Variants in ABTB3 observed in about 807,000 individuals in gnomAD.
The protein encoded by ABTB3 is ankyrin repeat and BTB domain containing 3, also known as ankyrin repeat- and BTB/POZ domain-containing protein 3.
At chr12:107,510,221 C>T in the ABTB3 span, among the ~76,000 whole-genome samples, 2 of 152,132 alleles carry the variant, frequency 1.3e-5, no homozygotes, top group African/African-American at 4.8e-5. Context: ...AGGACCCCCC[C>T]ACCCTTTACA....
chr12:107,625,220 A>G, the ABTB3 span, among the ~76,000 whole-genome samples: 3 of 152,214 alleles, frequency 2.0e-5, no homozygotes, highest in Non-Finnish European at 2.9e-5. Context: ...TTCTTTATGT[A>G]TAGTAGATAC....
At chr12:107,367,744 A>G in the ABTB3 span, among the ~76,000 whole-genome samples, 7 of 152,128 alleles carry the variant, frequency 4.6e-5, no homozygotes, top group Non-Finnish European at 8.8e-5. Flanking sequence ...AGCTCGGGCA[A>G]TCTGCCTGCC....
chr12:107,388,571 T>C, the ABTB3 span, among the ~76,000 whole-genome samples: 3 of 149,418 alleles, frequency 2.0e-5, no homozygotes, highest in Non-Finnish European at 4.4e-5. Flanking sequence ...CCCCTCCTAC[T>C]CCCACCCTTT....
At chr12:107,523,339 A>G in the ABTB3 span, among the ~76,000 whole-genome samples, 1 of 152,126 alleles carries the variant, frequency 6.6e-6, no homozygotes, top group African/African-American at 2.4e-5. Context: ...GAAGTCACAA[A>G]ATGCCTCCTG....
chr12:107,350,918 G>GGTTGC, the ABTB3 span, among the ~76,000 whole-genome samples: 2 of 152,104 alleles, frequency 1.3e-5, no homozygotes, highest in Admixed American at 1.3e-4. Flanking sequence ...GAGTCCTCTT[G>GGTTGC]GTTGCTTTTA....
the ABTB3 span, among the ~76,000 whole-genome samples, chr12:107,332,863 G>C: frequency 6.6e-6 from 1 of 152,210 alleles, no homozygotes; most frequent in African/African-American, 2.4e-5. Flanking sequence ...GAGCTTCCCA[G>C]AAGCCTGTGC....
chr12:107,556,649 G>A, the ABTB3 span, among the ~76,000 whole-genome samples: 18 of 152,220 alleles, frequency 1.2e-4, no homozygotes, highest in East Asian at 1.7e-3. Context: ...AATGTACATC[G>A]CCCTTCATCT....
the ABTB3 span, among the ~76,000 whole-genome samples, chr12:107,637,620 T>C: frequency 1.3e-5 from 2 of 152,166 alleles, no homozygotes; most frequent in Non-Finnish European, 2.9e-5. Flanking sequence ...CACCAAATAG[T>C]GGTTCTTTAG....
At chr12:107,552,776 C>T in the ABTB3 span, among the ~76,000 whole-genome samples, 1 of 152,132 alleles carries the variant, frequency 6.6e-6, no homozygotes, top group Non-Finnish European at 1.5e-5. Flanking sequence ...TGCTTCCTTC[C>T]CTCTGTGCCA....
the ABTB3 span, among the ~76,000 whole-genome samples, chr12:107,552,316 A>G: frequency 6.6e-6 from 1 of 152,192 alleles, no homozygotes; most frequent in South Asian, 2.1e-4. Flanking sequence ...CATAATCTTC[A>G]TTAGTATTTG....
At chr12:107,515,818 T>C in the ABTB3 span, among the ~76,000 whole-genome samples, 2 of 152,050 alleles carry the variant, frequency 1.3e-5, no homozygotes, top group Non-Finnish European at 2.9e-5. Flanking sequence ...GCCCAGGAAA[T>C]GGTGAATCTG....
chr12:107,585,055 A>T, the ABTB3 span, among the ~76,000 whole-genome samples: 1 of 152,010 alleles, frequency 6.6e-6, no homozygotes, highest in South Asian at 2.1e-4. Context: ...AGGGTTTCTT[A>T]TGTGTTCTTA....
At chr12:107,618,394 C>T in the ABTB3 span, 1 of 1,599,400 alleles carries the variant, frequency 6.3e-7, no homozygotes, top group Admixed American at 1.7e-5. Context: ...TCTGGGCACC[C>T]TCCACCACGG....
chr12:107,441,791 A>AT, the ABTB3 span, among the ~76,000 whole-genome samples: 1 of 150,854 alleles, frequency 6.6e-6, no homozygotes, highest in Non-Finnish European at 1.5e-5. Flanking sequence ...AAAAAAAAAA[A>AT]TAGCAGGGTG....
chr12:107,455,676 A>C, the ABTB3 span, among the ~76,000 whole-genome samples: 1 of 152,186 alleles, frequency 6.6e-6, no homozygotes. Flanking sequence ...TTCTGTTCTC[A>C]GCTGGGCTTT....
chr12:107,620,016 A>G, the ABTB3 span: 1 of 1,613,704 alleles, frequency 6.2e-7, no homozygotes, highest in Non-Finnish European at 8.5e-7. Context: ...ACGTGGCTGG[A>G]GTCTTTGCGG....
the ABTB3 span, among the ~76,000 whole-genome samples, chr12:107,541,953 C>T: frequency 6.6e-6 from 1 of 151,628 alleles, no homozygotes; most frequent in Non-Finnish European, 1.5e-5. Context: ...TTTATAGCAA[C>T]ATCTAGACTA....
the ABTB3 span, among the ~76,000 whole-genome samples, chr12:107,380,540 G>A: frequency 6.6e-6 from 1 of 152,212 alleles, no homozygotes; most frequent in African/African-American, 2.4e-5. Flanking sequence ...TTTACAGATG[G>A]GGAAACTGAC....
the ABTB3 span, among the ~76,000 whole-genome samples, chr12:107,653,381 G>T: frequency 1.3e-5 from 2 of 152,076 alleles, no homozygotes; most frequent in Admixed American, 6.5e-5. Context: ...GCTGGGCATG[G>T]TGGCGGGCGC....
Sources: gnomAD v4.1 joint callset for allele counts (sites outside exome capture counted in the v4.1 genomes callset) on GRCh38, gnomAD v4.1.1 for gene constraint, MANE v1.5 for transcripts, NCBI Gene and HGNC (gene_info 2026-07-23, HGNC 2026-07-21) for gene names.